Variants in ADAMTSL3 observed in about 807,000 individuals in gnomAD.
ADAMTSL3 encodes ADAMTS like 3, also known as ADAMTS-like protein 3.
ADAMTSL3 carries 128 observed loss-of-function variants against 201.7 expected under a neutral mutation model. That is an observed-to-expected ratio of 0.63 (90% CI 0.55 to 0.73). ADAMTSL3 has a LOEUF of 0.73. ADAMTSL3 is among the 30% of genes least tolerant of loss of function. ADAMTSL3 has a pLI of 0.00. For missense variants in ADAMTSL3, 1,990 were observed against 2,119.6 expected (o/e 0.94, Z 1.20); for synonymous variants, 738 against 748.4 (o/e 0.99, Z 0.23).
chr15:83,959,009 A>ATAT (rs1452478731), intron 19 of ADAMTSL3, among the ~76,000 whole-genome samples: 2 of 152,228 alleles, frequency 1.3e-5, no homozygotes, highest in African/African-American at 4.8e-5. Context: ...AATTCAATGA[A>ATAT]TATAGAGTCC....
intron 23 of ADAMTSL3, among the ~76,000 whole-genome samples, chr15:83,998,796 T>G (rs2067736949): frequency 6.6e-6 from 1 of 152,138 alleles, no homozygotes; most frequent in South Asian, 2.1e-4. Context: ...TTCCCTGAGA[T>G]AACTAGATAA....
intron 13 of ADAMTSL3, among the ~76,000 whole-genome samples, chr15:83,894,395 A>G (rs999614392): frequency 6.6e-6 from 1 of 152,234 alleles, no homozygotes; most frequent in Non-Finnish European, 1.5e-5. Context: ...ATTTCCTATC[A>G]CAAGTTTAAA....
intron 23 of ADAMTSL3, among the ~76,000 whole-genome samples, chr15:84,001,734 T>G (rs894818438): frequency 6.6e-6 from 1 of 152,200 alleles, no homozygotes; most frequent in Non-Finnish European, 1.5e-5. Flanking sequence ...CAACCTCACC[T>G]GAGGACTGCC....
chr15:83,972,858 A>T (rs900760904), intron 20 of ADAMTSL3, among the ~76,000 whole-genome samples: 1 of 152,090 alleles, frequency 6.6e-6, no homozygotes, highest in Non-Finnish European at 1.5e-5. Flanking sequence ...TTCTGCTTCT[A>T]CACTTTCACA....
intron 19 of ADAMTSL3, among the ~76,000 whole-genome samples, chr15:83,968,686 C>T (rs1028107531): frequency 2.0e-5 from 3 of 152,208 alleles, no homozygotes; most frequent in Admixed American, 6.5e-5. Flanking sequence ...GATTGGAAAT[C>T]ATTCTACTAT....
At chr15:83,790,127 T>G (rs1260887875) in intron 4 of ADAMTSL3, among the ~76,000 whole-genome samples, 2 of 151,228 alleles carry the variant, frequency 1.3e-5, no homozygotes, top group African/African-American at 4.9e-5. Flanking sequence ...AAGGCCTAGA[T>G]GGTTTCACTG....
rs766033082 is a variant in ADAMTSL3 at position 84,025,221 on chromosome 15, G to A, written c.4458-17G>A. The A allele has an allele frequency of 4.4e-5, 70 of 1,574,700 alleles. No individual in the cohort carries two copies. The South Asian group carries it at 7.6e-4, about 17-fold the overall frequency. On this transcript the variant is annotated splice_polypyrimidine_tract_variant and intron_variant, in intron 26 of 29. Transcript: ENST00000286744. The stretch of plus-strand genomic sequence containing the variant: ...GCATACCAGTCCTTACTAAAGTCCT[G>A]TAGTTTTTGTTCCTAGGTGGTTCAC...
intron 19 of ADAMTSL3, among the ~76,000 whole-genome samples, chr15:83,954,281 C>A (rs992664151): frequency 6.6e-6 from 1 of 152,088 alleles, no homozygotes; most frequent in Non-Finnish European, 1.5e-5. Context: ...TCAGGCTCAC[C>A]AGTTCTTTCT....
intron 23 of ADAMTSL3, among the ~76,000 whole-genome samples, chr15:84,011,432 AAAC>A (rs2068004270): frequency 6.6e-6 from 1 of 152,198 alleles, no homozygotes; most frequent in Admixed American, 6.5e-5. Flanking sequence ...AGTAGCTTAT[AAAC>A]AACAGAAAAT....
chr15:83,745,424 AC>A (rs2062529468), intron 3 of ADAMTSL3, among the ~76,000 whole-genome samples: 1 of 152,158 alleles, frequency 6.6e-6, no homozygotes, highest in East Asian at 1.9e-4. Context: ...GTGGCATAAC[AC>A]TTAAGCTGGC....
intron 3 of ADAMTSL3, 38 bp from the exon 4 acceptor site, chr15:83,773,485 G>A: frequency 6.2e-7 from 1 of 1,603,176 alleles, no homozygotes; most frequent in Non-Finnish European, 8.5e-7. Context: ...ACTTTATTGT[G>A]TGGTTTTTTT....
At chr15:84,037,449 T>C (rs1247834491) in intron 29 of ADAMTSL3, among the ~76,000 whole-genome samples, 1 of 152,182 alleles carries the variant, frequency 6.6e-6, no homozygotes, top group Non-Finnish European at 1.5e-5. Flanking sequence ...GCATTGCTGC[T>C]CTGAGAACTC....
intron 10 of ADAMTSL3, among the ~76,000 whole-genome samples, chr15:83,886,757 G>A (rs2065399401): frequency 6.6e-6 from 1 of 152,180 alleles, no homozygotes; most frequent in Admixed American, 6.5e-5. Context: ...GGTATATGAA[G>A]GAGGGCTCTT....
At chr15:83,847,569 C>G (rs1206115019) in intron 7 of ADAMTSL3, among the ~76,000 whole-genome samples, 4 of 146,980 alleles carry the variant, frequency 2.7e-5, no homozygotes, top group Non-Finnish European at 4.4e-5. Context: ...AATCTCAGTT[C>G]ACTGCAGCCT....
intron 7 of ADAMTSL3, among the ~76,000 whole-genome samples, chr15:83,845,185 T>A (rs2064471890): frequency 1.3e-5 from 2 of 152,220 alleles, no homozygotes; most frequent in Admixed American, 6.5e-5. Flanking sequence ...AGTAGGCCCT[T>A]CTCTTTTCTG....
At chr15:83,796,296 CATAAA>C (rs1306966432) in intron 4 of ADAMTSL3, among the ~76,000 whole-genome samples, 1 of 152,092 alleles carries the variant, frequency 6.6e-6, no homozygotes, top group Non-Finnish European at 1.5e-5. Context: ...AGTACTTGTA[CATAAA>C]ATAATAAAAC....
rs893557769 is a variant in ADAMTSL3, at chr15:83,816,922, G to C, written c.364-2889G>C. On this transcript the variant is annotated intron_variant, in intron 5 of 29. Coordinates refer to ENST00000286744, the MANE Select transcript of ADAMTSL3 (RefSeq NM_207517.3). ...GAGGTGGGAGGAAAACCTGAGCTCT[G>C]GAGGTCGAGGTTGCAGTGAGCCATG... is the stretch of plus-strand genomic sequence containing the variant. Among the ~76,000 whole-genome samples the C allele has an allele frequency of 2.0e-5, 3 of 152,176 alleles. No individual in the cohort carries two copies. The East Asian group carries it at 5.8e-4, about 29-fold the overall frequency.
At chr15:83,871,373 A>G (rs575748445) in intron 9 of ADAMTSL3, among the ~76,000 whole-genome samples, 62 of 152,216 alleles carry the variant, frequency 4.1e-4, no homozygotes, top group Non-Finnish European at 6.6e-4. Flanking sequence ...TCAGTTTTAG[A>G]TAGAGTTTGG....
chr15:84,032,782 A>T (rs1308167440), intron 28 of ADAMTSL3, among the ~76,000 whole-genome samples: 1 of 152,198 alleles, frequency 6.6e-6, no homozygotes, highest in Non-Finnish European at 1.5e-5. Context: ...TTTTGCTATT[A>T]TAAACTAAGC....
Sources: gnomAD v4.1 joint callset for allele counts (sites outside exome capture counted in the v4.1 genomes callset) on GRCh38, gnomAD v4.1.1 for gene constraint, MANE v1.5 for transcripts, NCBI Gene and HGNC (gene_info 2026-07-23, HGNC 2026-07-21) for gene names.